GLYATL2: variants seen among roughly 807,000 people sequenced by gnomAD.
The protein encoded by GLYATL2 is glycine-N-acyltransferase like 2, also known as glycine N-acyltransferase-like protein 2.
In GLYATL2, 25 loss-of-function variants were observed where a neutral mutation model predicts 21.4. The ratio of observed to expected loss-of-function variants is 1.17; its 90% CI spans 0.85 to 1.63. The LOEUF (loss-of-function observed/expected upper bound fraction) is 1.63, where lower values mean the gene tolerates loss of function less well. GLYATL2 is among the 40% of genes most tolerant of loss of function. The pLI is 0.00. For synonymous variants in GLYATL2, 114 were observed against 118.2 expected (o/e 0.96, Z 0.23); for missense variants, 361 against 343.3 (o/e 1.05, Z -0.41).
intron 1 of GLYATL2, among the ~76,000 whole-genome samples, chr11:58,890,509 A>G (rs1854523014): frequency 6.6e-6 from 1 of 152,232 alleles, no homozygotes; most frequent in South Asian, 2.1e-4. Flanking sequence ...AGAATAAAAT[A>G]TTGTTCTTTG....
chr11:58,904,022 G>C (rs1489041733), intron 1 of GLYATL2: 1 of 152,198 alleles, frequency 6.6e-6, no homozygotes, highest in Non-Finnish European at 1.5e-5. Flanking sequence ...AGTTGCTCAA[G>C]TCAAAAGCCC....
At position 58,877,237 on chromosome 11, in the gene GLYATL2, A is replaced by C. The variant is rs570835; in HGVS notation, n.60+26919T>G. 2.0e-5 allele frequency among the ~76,000 whole-genome samples: 3 copies of C among 152,192 alleles called. No homozygotes were observed. In the East Asian group the frequency reaches 5.8e-4, roughly 29 times the overall value. On this transcript the variant is annotated intron_variant and non_coding_transcript_variant, in intron 1 of 4. Transcript: ENST00000533636. ...AATTCCCTGACCTCTTGTGCTTCCC[A>C]GGTGAGGCGATGCCTCGCCCTGCTT...
At chr11:58,909,777 T>C in the GLYATL2 span, among the ~76,000 whole-genome samples, 1 of 152,288 alleles carries the variant, frequency 6.6e-6, no homozygotes, top group East Asian at 1.9e-4. Context: ...GAGCTCTCCA[T>C]ATTGCTGGTA....
rs1854016719 is a variant in GLYATL2, at chr11:58,865,891, C to A, written n.61-27523G>T. ...AATATTTAGGAGCAATAAAAGGAGT[C>A]CCCTATTACTTTGTAGTATAGCCAA... On this transcript the variant is annotated intron_variant and non_coding_transcript_variant, in intron 1 of 4. Coordinates refer to the GLYATL2 transcript ENST00000533636. 1.3e-5 allele frequency among the ~76,000 whole-genome samples: 2 copies of A among 148,874 alleles called. 1 individual carries two copies.
intron 1 of GLYATL2, among the ~76,000 whole-genome samples, chr11:58,891,653 G>A (rs1854546035): frequency 6.6e-6 from 1 of 152,114 alleles, no homozygotes; most frequent in African/African-American, 2.4e-5. Context: ...GAAACAGTAG[G>A]CACTAAAAAT....
intron 1 of GLYATL2, among the ~76,000 whole-genome samples, chr11:58,870,321 C>A (rs1442095122): frequency 1.3e-5 from 2 of 152,066 alleles, no homozygotes; most frequent in African/African-American, 4.8e-5. Context: ...GTGCTTGAAG[C>A]AGAGAGGCTA....
chr11:58,849,767 C>T (rs1853707098), intron 1 of GLYATL2, among the ~76,000 whole-genome samples: 2 of 152,088 alleles, frequency 1.3e-5, no homozygotes, highest in South Asian at 4.1e-4. Flanking sequence ...AGGGGAACAT[C>T]ATACACTGGA....
At chr11:58,876,702 G>T (rs1019418344) in intron 1 of GLYATL2, among the ~76,000 whole-genome samples, 2 of 152,174 alleles carry the variant, frequency 1.3e-5, no homozygotes, top group Admixed American at 6.5e-5. Flanking sequence ...CGCCCCTACT[G>T]GGGGGTGCCT....
upstream of GLYATL2, among the ~76,000 whole-genome samples, chr11:58,904,826 A>G (rs369913374): frequency 7.9e-4 from 121 of 152,342 alleles, no homozygotes; most frequent in African/African-American, 2.6e-3. Flanking sequence ...CAACTTTTAC[A>G]TAAACATCTG....
At chr11:58,873,512 T>C (rs1190571307) in intron 1 of GLYATL2, among the ~76,000 whole-genome samples, 3 of 152,218 alleles carry the variant, frequency 2.0e-5, no homozygotes, top group Admixed American at 2.0e-4. Flanking sequence ...TTGAATTTTG[T>C]CAAAGGCCTT....
chr11:58,857,888 CAAAAAAAAAAAAAA>C (rs545952478), intron 1 of GLYATL2, among the ~76,000 whole-genome samples: 1 of 108,468 alleles, frequency 9.2e-6, no homozygotes, highest in East Asian at 2.6e-4. Flanking sequence ...TTTTCCCCTC[CAAAAAAAAAAAAAA>C]AAAAAAAAAA....
chr11:58,839,506 T>A, intron 2 of GLYATL2, 29 bp downstream of exon 2: 1 of 1,433,068 alleles, frequency 7.0e-7, no homozygotes, highest in East Asian at 2.3e-5. Context: ...CAACCCTCTC[T>A]CTCCTTTGAT....
rs1853611737 is a variant in GLYATL2 at position 58,844,653 on chromosome 11, C to G, written c.-260G>C. 1 of 152,144 alleles carries G rather than the reference C, an allele frequency of 6.6e-6. No homozygotes were observed. Among genetic ancestry groups the G allele is most frequent in the Non-Finnish European group, 1.5e-5 (1 of 68,026 alleles). The allele number at this position is 152,144 out of a possible 1,614,324, so 9.4% of individuals were successfully genotyped here. On this transcript the variant is annotated 5_prime_UTR_variant, in exon 1 of 6. Transcript: ENST00000287275. ...ACAAGAAATCACAGGCTTTGTAGAC[C>G]AGAGGAGGACTGAGAATATGTTCCA...
chr11:58,868,349 A>T (rs1468265713), intron 1 of GLYATL2, among the ~76,000 whole-genome samples: 1 of 148,850 alleles, frequency 6.7e-6, no homozygotes. Context: ...TCACCAGATG[A>T]TCCCATCCAG....
chr11:58,900,626 G>T (rs1192847129), intron 1 of GLYATL2, among the ~76,000 whole-genome samples: 1 of 152,172 alleles, frequency 6.6e-6, no homozygotes, highest in Non-Finnish European at 1.5e-5. Context: ...GACAGGTGAG[G>T]CAGCCTTAGT....
chr11:58,848,776 G>T (rs868079382), upstream of GLYATL2, among the ~76,000 whole-genome samples: 24 of 152,148 alleles, frequency 1.6e-4, no homozygotes, highest in Non-Finnish European at 3.2e-4. Flanking sequence ...TGGAGATGGG[G>T]TAGAAAGTTT....
At chr11:58,887,197 T>C (rs780760852) in intron 1 of GLYATL2, among the ~76,000 whole-genome samples, 2 of 152,190 alleles carry the variant, frequency 1.3e-5, no homozygotes, top group Non-Finnish European at 2.9e-5. Flanking sequence ...TTTATAAAGT[T>C]AGTCAATAAA....
At chr11:58,906,999 G>A (rs1854907184), upstream of GLYATL2, among the ~76,000 whole-genome samples, 1 of 152,140 alleles carries the variant, frequency 6.6e-6, no homozygotes. Context: ...CCAATTCACA[G>A]GAACAATAAA....
At chr11:58,875,654 G>A (rs908679957) in intron 1 of GLYATL2, among the ~76,000 whole-genome samples, 1 of 152,214 alleles carries the variant, frequency 6.6e-6, no homozygotes, top group African/African-American at 2.4e-5. Flanking sequence ...TCTGCCAAGA[G>A]ATCAGCTGTT....
Sources: gnomAD v4.1 joint callset for allele counts (sites outside exome capture counted in the v4.1 genomes callset) on GRCh38, gnomAD v4.1.1 for gene constraint, MANE v1.5 for transcripts, NCBI Gene and HGNC (gene_info 2026-07-23, HGNC 2026-07-21) for gene names.